Variants in PTPRN2 observed in about 807,000 individuals in gnomAD.
PTPRN2 encodes protein tyrosine phosphatase receptor type N2, also known as receptor-type tyrosine-protein phosphatase N2.
In PTPRN2, 74 loss-of-function variants were observed where a neutral mutation model predicts 118.8. The ratio of observed to expected loss-of-function variants is 0.62; its 90% CI spans 0.52 to 0.76. PTPRN2 has a LOEUF of 0.76. Ranked by LOEUF, PTPRN2 falls within the 30% of genes least tolerant of loss-of-function variation. The probability of loss-of-function intolerance (pLI) is 0.00; values close to 1 mark genes in which losing one functional copy is unlikely to be tolerated. For missense variants in PTPRN2, 1,481 were observed against 1,394.4 expected (o/e 1.06, Z -0.99); for synonymous variants, 641 against 608.0 (o/e 1.05, Z -0.80).
chr7:157,790,176 T>G (rs1167534700), intron 12 of PTPRN2, among the ~76,000 whole-genome samples: 1 of 133,898 alleles, frequency 7.5e-6, no homozygotes, highest in African/African-American at 2.9e-5. Context: ...GTGTGGTGTG[T>G]GTATGGTGGT....
chr7:158,397,960 G>C lies in PTPRN2; in HGVS notation c.164-81028C>G, dbSNP rs1264085528. 1.3e-5 allele frequency among the ~76,000 whole-genome samples: 2 copies of C among 152,148 alleles called. 1 individual carries two copies. The highest frequency in any genetic ancestry group is 3.9e-4 in the East Asian group (2 of 5,190). Reference sequence around the variant, plus strand: ...GCATGATAACAAGGAGTAGGAACCGGAGGGACGGCCACTGAGGGTGGAACC... The same window carrying C: ...GCATGATAACAAGGAGTAGGAACCGCAGGGACGGCCACTGAGGGTGGAACC... On this transcript the variant is annotated intron_variant, in intron 2 of 22. Transcript: ENST00000389418.
At chr7:158,086,679 C>G (rs79541544) in intron 10 of PTPRN2, among the ~76,000 whole-genome samples, 1 of 152,188 alleles carries the variant, frequency 6.6e-6, no homozygotes. Context: ...TGAGCTGAAA[C>G]GAGAAGGCGG....
At chr7:158,027,044 T>A (rs1375237344) in intron 11 of PTPRN2, among the ~76,000 whole-genome samples, 1 of 152,160 alleles carries the variant, frequency 6.6e-6, no homozygotes, top group African/African-American at 2.4e-5. Flanking sequence ...GCTCCTCCCA[T>A]ACCGAACCTC....
intron 11 of PTPRN2, among the ~76,000 whole-genome samples, chr7:157,911,092 G>A (rs1585002853): frequency 6.6e-6 from 1 of 152,338 alleles, no homozygotes; most frequent in South Asian, 2.1e-4. Context: ...TGAGGCCAAA[G>A]GCACTGTGGC....
intron 11 of PTPRN2, among the ~76,000 whole-genome samples, chr7:157,912,111 A>G: frequency 6.6e-6 from 1 of 152,236 alleles, no homozygotes; most frequent in Non-Finnish European, 1.5e-5. Context: ...TCACTAAGAC[A>G]TAGATGTCCC....
intron 6 of PTPRN2, among the ~76,000 whole-genome samples, chr7:158,149,609 C>T (rs927981201): frequency 1.3e-5 from 2 of 152,050 alleles, no homozygotes; most frequent in African/African-American, 4.8e-5. Flanking sequence ...TCGAGACCAG[C>T]CTGGCCAACA....
At chr7:157,543,586 T>A (rs1480910396) in intron 22 of PTPRN2, among the ~76,000 whole-genome samples, 1 of 152,224 alleles carries the variant, frequency 6.6e-6, no homozygotes, top group Non-Finnish European at 1.5e-5. Context: ...CTGGAAGCCG[T>A]GGAGCTTTGT....
chr7:158,438,852 T>C lies in PTPRN2; in HGVS notation c.163+50883A>G, dbSNP rs770294884. Among the ~76,000 whole-genome samples the C allele has an allele frequency of 4.6e-5, 7 of 152,094 alleles. No homozygotes were observed. The highest frequency in any genetic ancestry group is 8.8e-5 in the Non-Finnish European group (6 of 68,008). ...AGGGCCTGGGAAAGGAAAACAAACCTTGGGACTCCAAAATCTCCAGGCTAA... is the reference window on the plus strand; with the variant it reads ...AGGGCCTGGGAAAGGAAAACAAACCCTGGGACTCCAAAATCTCCAGGCTAA... On this transcript the variant is annotated intron_variant, in intron 2 of 22. Transcript: ENST00000389418. The surrounding 1 kb of genome is among the most constrained non-coding windows in gnomAD (Gnocchi z 4.7).
At chr7:158,138,091 A>G (rs1819004294) in intron 7 of PTPRN2, among the ~76,000 whole-genome samples, 1 of 152,230 alleles carries the variant, frequency 6.6e-6, no homozygotes, top group South Asian at 2.1e-4. Context: ...TTGCCATTCA[A>G]CATAATTGCT....
At chr7:158,059,915 G>C (rs369682381) in intron 11 of PTPRN2, among the ~76,000 whole-genome samples, 44 of 65,528 alleles carry the variant, frequency 6.7e-4, no homozygotes, top group Admixed American at 1.1e-3. Flanking sequence ...CACACGGTGA[G>C]ACATCACTGC....
intron 3 of PTPRN2, among the ~76,000 whole-genome samples, chr7:158,313,806 A>G (rs1317063192): frequency 6.6e-6 from 1 of 152,254 alleles, no homozygotes; most frequent in African/African-American, 2.4e-5. Flanking sequence ...ATTCATGGAT[A>G]TATGAGACAA....
intron 11 of PTPRN2, among the ~76,000 whole-genome samples, chr7:158,071,448 CTCGTGGTTGAGGTGCTCG>C (rs1811616659): frequency 2.2e-5 from 1 of 45,934 alleles, no homozygotes; most frequent in Admixed American, 2.3e-4. Context: ...GGTGGAGGTG[CTCGTGGTTGAGGTGCTCG>C]TGGTGGTGGA....
intron 11 of PTPRN2, among the ~76,000 whole-genome samples, chr7:158,012,843 AG>A (rs1173316384): frequency 2.6e-5 from 4 of 152,200 alleles, no homozygotes; most frequent in African/African-American, 9.6e-5. Flanking sequence ...CCTAGATGAA[AG>A]GGAGCTGGCA....
intron 2 of PTPRN2, among the ~76,000 whole-genome samples, chr7:158,439,921 G>A (rs2129432707): frequency 6.6e-6 from 1 of 152,330 alleles, no homozygotes; most frequent in South Asian, 2.1e-4. Context: ...CTGATTTATT[G>A]ATGAGAAACC....
At chr7:157,798,169 GA>G (rs1456010360) in intron 12 of PTPRN2, among the ~76,000 whole-genome samples, 2 of 152,248 alleles carry the variant, frequency 1.3e-5, no homozygotes, top group Admixed American at 6.5e-5. Context: ...TGAGGCAGGA[GA>G]ATCGTTTGAA....
intron 7 of PTPRN2, 151 bp downstream of exon 7, chr7:158,138,143 G>A: frequency 1.4e-6 from 1 of 725,092 alleles, no homozygotes; most frequent in Non-Finnish European, 2.2e-6. Context: ...AGAGGCAAAA[G>A]TTCAAACAGA....
At chr7:158,567,056 C>T (rs1051973449) in intron 1 of PTPRN2, among the ~76,000 whole-genome samples, 3 of 152,168 alleles carry the variant, frequency 2.0e-5, no homozygotes, top group African/African-American at 4.8e-5. Context: ...TAAAAGTCTC[C>T]AAAGGAGAAA....
intron 11 of PTPRN2, among the ~76,000 whole-genome samples, chr7:157,921,752 C>A (rs1353748986): frequency 6.6e-5 from 10 of 152,338 alleles, no homozygotes; most frequent in South Asian, 2.1e-4. Flanking sequence ...GACTTCCCAG[C>A]CTCCACAACT....
chr7:158,312,309 C>T (rs58502368), intron 3 of PTPRN2, among the ~76,000 whole-genome samples: 13 of 148,942 alleles, frequency 8.7e-5, no homozygotes, highest in African/African-American at 2.7e-4. Flanking sequence ...TGTGCTCACA[C>T]AGACACCCAC....
Sources: allele counts gnomAD v4.1 joint callset (sites outside exome capture counted in the v4.1 genomes callset), GRCh38; gene constraint gnomAD v4.1.1; non-coding constraint Gnocchi (gnomAD v3.1); transcripts MANE v1.5; gene names NCBI Gene and HGNC (gene_info 2026-07-23, HGNC 2026-07-21).